TRHDE: variants seen among roughly 807,000 people sequenced by gnomAD.
TRHDE encodes the protein thyrotropin-releasing hormone-degrading ectoenzyme.
Under a neutral mutation model 125.7 loss-of-function variants are expected in TRHDE, and 72 were observed. That is an observed-to-expected ratio of 0.57 (90% CI 0.47 to 0.70). The LOEUF is 0.70. Ranked by LOEUF, TRHDE falls within the 30% of genes least tolerant of loss-of-function variation. The pLI is 0.00. For missense variants in TRHDE, 1,110 were observed against 1,327.1 expected (o/e 0.84, Z 2.54); for synonymous variants, 509 against 509.1 (o/e 1.00, Z 0.00).
At chr12:72,275,808 G>C (rs1406639666) in intron 1 of TRHDE, among the ~76,000 whole-genome samples, 1 of 152,194 alleles carries the variant, frequency 6.6e-6, no homozygotes, top group African/African-American at 2.4e-5. Context: ...CTCTCTTGCA[G>C]TTTTCCCCAA....
At chr12:72,394,113 A>G (rs971342781) in intron 3 of TRHDE, among the ~76,000 whole-genome samples, 1 of 152,226 alleles carries the variant, frequency 6.6e-6, no homozygotes, top group Non-Finnish European at 1.5e-5. Context: ...AGACCTTAAA[A>G]TGAACCATTA....
At chr12:72,654,658 C>A (rs1466946982) in intron 17 of TRHDE, among the ~76,000 whole-genome samples, 2 of 152,132 alleles carry the variant, frequency 1.3e-5, no homozygotes, top group Non-Finnish European at 2.9e-5. Flanking sequence ...AGCCATCCAC[C>A]AATTGCTCAA....
At chr12:72,183,036 T>A (rs1877126284) in intron 2 of TRHDE, among the ~76,000 whole-genome samples, 1 of 152,198 alleles carries the variant, frequency 6.6e-6, no homozygotes, top group Non-Finnish European at 1.5e-5. Context: ...AAAAAGTAGC[T>A]ACCTGACATT....
chr12:72,509,934 C>T (rs1337988706), intron 6 of TRHDE, among the ~76,000 whole-genome samples: 1 of 152,198 alleles, frequency 6.6e-6, no homozygotes, highest in African/African-American at 2.4e-5. Context: ...AGAGTTGGCT[C>T]TTGAAATAGG....
intron 9 of TRHDE, 22 bp downstream of exon 9, chr12:72,563,062 G>GA (rs776298838): frequency 1.1e-4 from 159 of 1,493,522 alleles, no homozygotes; most frequent in Admixed American, 2.2e-5. Context: ...TTTTTTACGT[G>GA]AAAAATATTG....
intron 2 of TRHDE, among the ~76,000 whole-genome samples, chr12:72,222,700 C>T (rs1878025862): frequency 6.6e-6 from 1 of 152,114 alleles, no homozygotes; most frequent in African/African-American, 2.4e-5. Context: ...AGTAAGCAAT[C>T]CTTTTCCATG....
At chr12:72,540,370 C>T (rs1222616984) in intron 6 of TRHDE, among the ~76,000 whole-genome samples, 6 of 151,752 alleles carry the variant, frequency 4.0e-5, no homozygotes, top group Non-Finnish European at 8.8e-5. Context: ...TGTTACCACT[C>T]TCTCCAGCTT....
intron 6 of TRHDE, among the ~76,000 whole-genome samples, chr12:72,531,054 G>C (rs531595281): frequency 3.3e-5 from 5 of 152,056 alleles, no homozygotes; most frequent in African/African-American, 7.2e-5. Context: ...CTTCCCCAAA[G>C]CATTTGTACC....
chr12:72,604,380 A>C (rs1385008903), intron 12 of TRHDE, among the ~76,000 whole-genome samples: 1 of 152,066 alleles, frequency 6.6e-6, no homozygotes, highest in African/African-American at 2.4e-5. Flanking sequence ...TAAAACTGTC[A>C]ATTTTGAAGA....
At chr12:72,490,246 A>G (rs1053004002) in intron 5 of TRHDE, among the ~76,000 whole-genome samples, 2 of 151,914 alleles carry the variant, frequency 1.3e-5, no homozygotes, top group African/African-American at 2.4e-5. Flanking sequence ...CAACATTGGT[A>G]GTCATCAGAG....
rs114821624 is a variant in TRHDE, at chr12:72,312,962, T to A, written c.1188+26008T>A. On this transcript the variant is annotated intron_variant, in intron 2 of 18. Coordinates refer to ENST00000261180, the MANE Select transcript of TRHDE (RefSeq NM_013381.3). ...CATTTTTGAAAACTTTTAAAGGAAG[T>A]CTTCCTTCCTCTCTCCCTCCCTTCC... Among the ~76,000 whole-genome samples the A allele has an allele frequency of 8.9e-3, 1,355 of 152,178 alleles. 12 individuals carry two copies. Among genetic ancestry groups the A allele is most frequent in the African/African-American group, 0.031 (1,294 of 41,536 alleles).
intron 6 of TRHDE, among the ~76,000 whole-genome samples, chr12:72,541,090 G>C (rs1287306063): frequency 6.6e-6 from 1 of 151,548 alleles, no homozygotes; most frequent in African/African-American, 2.4e-5. Flanking sequence ...CTGGCTGAAT[G>C]ATTCTATATG....
At chr12:72,576,456 TA>T (rs34239830) in intron 12 of TRHDE, among the ~76,000 whole-genome samples, 2 of 152,208 alleles carry the variant, frequency 1.3e-5, no homozygotes, top group Non-Finnish European at 2.9e-5. Flanking sequence ...TTCCATATGT[TA>T]AAAAGCATAT....
chr12:72,510,577 T>C (rs969309856), intron 6 of TRHDE, among the ~76,000 whole-genome samples: 1 of 152,172 alleles, frequency 6.6e-6, no homozygotes, highest in Non-Finnish European at 1.5e-5. Context: ...TTCTAACTCA[T>C]GCTTTTCATT....
intron 10 of TRHDE, 140 bp from the exon 11 acceptor site, chr12:72,575,110 ATTAAT>A: frequency 1.4e-6 from 1 of 733,134 alleles, no homozygotes; most frequent in Non-Finnish European, 2.2e-6. Flanking sequence ...GATGCAAGTG[ATTAAT>A]TAAAGAGTAG....
Position 72,327,657 on chromosome 12 carries a change from A to C in TRHDE, c.1188+40703A>C, listed in dbSNP as rs1184659998. Among the ~76,000 whole-genome samples, 6 of 152,130 alleles carry C rather than the reference A, an allele frequency of 3.9e-5. No homozygotes were observed. The East Asian group carries it at 1.2e-3, about 29-fold the overall frequency. The stretch of plus-strand genomic sequence containing the variant: ...TTAGGAGATTTTTTTAGGAAATTTT[A>C]TTTGCTTGCAGACGAACACTTTTTT... On this transcript the variant is annotated intron_variant, in intron 2 of 18. Coordinates refer to ENST00000261180, the MANE Select transcript of TRHDE (RefSeq NM_013381.3).
At chr12:72,338,420 A>G (rs1015774128) in intron 2 of TRHDE, among the ~76,000 whole-genome samples, 1 of 152,198 alleles carries the variant, frequency 6.6e-6, no homozygotes, top group Admixed American at 6.5e-5. Flanking sequence ...AGCTAAATTG[A>G]CCTTCAGAAC....
chr12:72,366,688 G>T (rs990736602), intron 2 of TRHDE, among the ~76,000 whole-genome samples: 1 of 151,936 alleles, frequency 6.6e-6, no homozygotes, highest in Admixed American at 6.6e-5. Context: ...GGGCCATGGG[G>T]CCCAAAAACC....
intron 12 of TRHDE, among the ~76,000 whole-genome samples, chr12:72,614,885 G>A (rs1279781851): frequency 6.6e-6 from 1 of 152,116 alleles, no homozygotes; most frequent in East Asian, 1.9e-4. Context: ...GTTAAGGTCA[G>A]AGCATTTCAA....
Sources: gnomAD v4.1 joint callset for allele counts (sites outside exome capture counted in the v4.1 genomes callset) on GRCh38, gnomAD v4.1.1 for gene constraint, MANE v1.5 for transcripts, NCBI Gene and HGNC (gene_info 2026-07-23, HGNC 2026-07-21) for gene names.